The following LDAF1 variants were observed in gnomAD, a reference collection of about 807,000 sequenced individuals.
LDAF1 encodes lipid droplet assembly factor 1, also known as PROMETHIN.
A neutral mutation model predicts 13.5 loss-of-function variants in LDAF1; 7 were observed. The observed-to-expected ratio is 0.52, with a 90% CI of 0.29 to 0.97. LDAF1 has a LOEUF of 0.97. Ranked by LOEUF, LDAF1 falls within the 50% of genes least tolerant of loss-of-function variation. The probability of loss-of-function intolerance (pLI) is 0.07; values close to 1 mark genes in which losing one functional copy is unlikely to be tolerated. For synonymous variants in LDAF1, 69 were observed against 77.1 expected (o/e 0.89, Z 0.55); for missense variants, 148 against 193.2 (o/e 0.77, Z 1.39).
intron 2 of LDAF1, among the ~76,000 whole-genome samples, chr16:21,167,530 T>C (rs1597542686): frequency 1.3e-5 from 2 of 152,306 alleles, no homozygotes; most frequent in South Asian, 2.1e-4. Flanking sequence ...CGAAAATTCC[T>C]TTTTGCCCGG....
chr16:21,177,142 T>C (rs1230419074), intron 4 of LDAF1: 2 of 152,230 alleles, frequency 1.3e-5, no homozygotes, highest in African/African-American at 4.8e-5. Flanking sequence ...TACAGATCTC[T>C]TTCATATCTG....
intron 2 of LDAF1, chr16:21,167,060 C>T: frequency 8.5e-6 from 6 of 705,736 alleles, no homozygotes; most frequent in Middle Eastern, 3.9e-4. Context: ...ATTGGCCATG[C>T]CTCGAGAGTA....
At chr16:21,165,477 T>G (rs2093015008) in intron 2 of LDAF1, 1 of 535,448 alleles carries the variant, frequency 1.9e-6, no homozygotes, top group Non-Finnish European at 2.4e-6. Context: ...CTTGCCTGTT[T>G]CCTTTTATAT....
At chr16:21,166,968 G>A in intron 2 of LDAF1, 1 of 1,494,186 alleles carries the variant, frequency 6.7e-7, no homozygotes, top group Non-Finnish European at 9.0e-7. Flanking sequence ...GCTCTTTGGT[G>A]GCTTTTGTCA....
chr16:21,174,199 T>C, intron 4 of LDAF1, 51 bp downstream of exon 4: 1 of 1,541,288 alleles, frequency 6.5e-7, no homozygotes, highest in Non-Finnish European at 8.7e-7. Flanking sequence ...TCTACTTTTT[T>C]GTTTTTTTGA....
chr16:21,167,692 G>GTTTTTTTTT (rs2093037193), intron 2 of LDAF1, among the ~76,000 whole-genome samples: 1 of 8,982 alleles, frequency 1.1e-4, no homozygotes, highest in African/African-American at 5.2e-4. Flanking sequence ...AAGACCTTAG[G>GTTTTTTTTT]TTTGTTTTTT....
chr16:21,165,211 A>C (rs1402890776), intron 2 of LDAF1, among the ~76,000 whole-genome samples: 1 of 152,230 alleles, frequency 6.6e-6, no homozygotes, highest in Non-Finnish European at 1.5e-5. Flanking sequence ...TTATAATCCT[A>C]GCACTTCGGG....
intron 4 of LDAF1, 64 bp downstream of exon 4, chr16:21,174,212 C>T: frequency 1.4e-6 from 2 of 1,450,396 alleles, no homozygotes; most frequent in Non-Finnish European, 1.9e-6. Context: ...TTTTTTGAGA[C>T]AAGGCCTCAC....
intron 2 of LDAF1, among the ~76,000 whole-genome samples, chr16:21,167,272 G>A (rs1274331106): frequency 6.6e-6 from 1 of 152,242 alleles, no homozygotes; most frequent in African/African-American, 2.4e-5. Flanking sequence ...CATGTGTTTT[G>A]GGGACCTGAA....
chr16:21,162,238 A>T (rs1207438746), intron 2 of LDAF1, among the ~76,000 whole-genome samples: 1 of 152,202 alleles, frequency 6.6e-6, no homozygotes, highest in Non-Finnish European at 1.5e-5. Context: ...ATTTATACAA[A>T]ATTATTAATG....
intron 3 of LDAF1, 41 bp downstream of exon 3, chr16:21,170,646 A>T (rs750597007): frequency 5.0e-6 from 8 of 1,609,994 alleles, no homozygotes; most frequent in South Asian, 4.4e-5. Flanking sequence ...AAATAATTCA[A>T]TTGGGAGAAA....
At chr16:21,162,770 A>C (rs2092989115) in intron 2 of LDAF1, among the ~76,000 whole-genome samples, 1 of 152,232 alleles carries the variant, frequency 6.6e-6, no homozygotes, top group Non-Finnish European at 1.5e-5. Flanking sequence ...TCTTGTTATT[A>C]AAAGTTAGCT....
chr16:21,174,175 A>T (rs2093117917), intron 4 of LDAF1, 27 bp downstream of exon 4: 1 of 1,574,224 alleles, frequency 6.4e-7, no homozygotes, highest in Non-Finnish European at 8.6e-7. Context: ...GAAATAATTT[A>T]TTTTTTTAAT....
intron 2 of LDAF1, among the ~76,000 whole-genome samples, chr16:21,164,335 C>T (rs1351835433): frequency 6.6e-6 from 1 of 152,148 alleles, no homozygotes; most frequent in Non-Finnish European, 1.5e-5. Flanking sequence ...CCTCGAACTT[C>T]TGGTCTCAAG....
intron 2 of LDAF1, among the ~76,000 whole-genome samples, chr16:21,167,696 G>GT (rs778992036): frequency 6.7e-5 from 6 of 89,092 alleles, no homozygotes; most frequent in Admixed American, 1.7e-4. Flanking sequence ...CCTTAGGTTT[G>GT]TTTTTTTTTT....
intron 2 of LDAF1, among the ~76,000 whole-genome samples, chr16:21,162,630 G>A (rs1255592300): frequency 2.6e-5 from 4 of 152,066 alleles, no homozygotes; most frequent in African/African-American, 9.7e-5. Context: ...GGGTCTACTC[G>A]AAGAGATGCT....
chr16:21,166,770 C>T, intron 2 of LDAF1: 2 of 1,333,852 alleles, frequency 1.5e-6, no homozygotes, highest in East Asian at 2.5e-5. Flanking sequence ...GGACCTGAGA[C>T]AGCGCAAGGG....
intron 1 of LDAF1, among the ~76,000 whole-genome samples, chr16:21,160,592 G>A (rs1484412463): frequency 1.3e-5 from 2 of 152,202 alleles, no homozygotes; most frequent in Non-Finnish European, 2.9e-5. Context: ...AATGAGATTT[G>A]AAATAGTGTG....
intron 3 of LDAF1, 125 bp from the exon 4 acceptor site, chr16:21,173,885 G>T (rs544344843): frequency 1.9e-6 from 2 of 1,068,018 alleles, no homozygotes; most frequent in Non-Finnish European, 2.6e-6. Flanking sequence ...CTGGGTTTTT[G>T]TGGGAAATCT....
Sources: allele counts gnomAD v4.1 joint callset (sites outside exome capture counted in the v4.1 genomes callset), GRCh38; gene constraint gnomAD v4.1.1; transcripts MANE v1.5; gene names NCBI Gene and HGNC (gene_info 2026-07-23, HGNC 2026-07-21).